Variants in FAM13A observed in about 807,000 individuals in gnomAD.
FAM13A encodes the protein protein FAM13A.
Under a neutral mutation model 129.6 loss-of-function variants are expected in FAM13A, and 76 were observed. The observed-to-expected ratio is 0.59, with a 90% confidence interval of 0.49 to 0.71. The LOEUF is 0.71. FAM13A is among the 30% of genes least tolerant of loss of function. The pLI, the probability that FAM13A is intolerant of heterozygous loss-of-function variation, is 0.00. For missense variants in FAM13A, 1,108 were observed against 1,249.3 expected (o/e 0.89, Z 1.70); for synonymous variants, 443 against 449.9 (o/e 0.98, Z 0.20).
At chr4:88,914,158 T>C (rs1749695704) in intron 5 of FAM13A, among the ~76,000 whole-genome samples, 1 of 152,122 alleles carries the variant, frequency 6.6e-6, no homozygotes, top group Non-Finnish European at 1.5e-5. Flanking sequence ...GTCAGTACTA[T>C]CTCCAAAATA....
intron 23 of FAM13A, 148 bp downstream of exon 23, chr4:88,731,179 T>G: frequency 3.5e-6 from 2 of 578,388 alleles, no homozygotes; most frequent in Non-Finnish European, 6.1e-6. Context: ...TAAGTGTCCC[T>G]GGGCACAAAC....
intron 5 of FAM13A, among the ~76,000 whole-genome samples, chr4:88,917,234 A>T (rs1465845892): frequency 1.3e-5 from 2 of 152,206 alleles, no homozygotes; most frequent in Non-Finnish European, 2.9e-5. Flanking sequence ...CTCGTGAAGG[A>T]AGGCAAAAGG....
chr4:88,945,758 GTA>G (rs1338690619), intron 4 of FAM13A, among the ~76,000 whole-genome samples: 3 of 124,168 alleles, frequency 2.4e-5, no homozygotes, highest in African/African-American at 3.5e-5. Context: ...ACCACTATTA[GTA>G]TATATATATA....
At chr4:88,982,274 T>G (rs1160839921) in intron 4 of FAM13A, among the ~76,000 whole-genome samples, 5 of 152,248 alleles carry the variant, frequency 3.3e-5, no homozygotes, top group Non-Finnish European at 5.9e-5. Context: ...CAACTGAGGT[T>G]AAGAGCAATG....
chr4:89,034,360 A>G (rs772208460), intron 1 of FAM13A, among the ~76,000 whole-genome samples: 23 of 152,322 alleles, frequency 1.5e-4, no homozygotes, highest in Non-Finnish European at 3.1e-4. Flanking sequence ...AACACAAATC[A>G]AAACCACAAT....
chr4:88,876,636 G>A (rs945873057), intron 6 of FAM13A, among the ~76,000 whole-genome samples: 1 of 152,066 alleles, frequency 6.6e-6, no homozygotes, highest in South Asian at 2.1e-4. Context: ...CTGTCGCCGA[G>A]GCTGGAGTGC....
intron 7 of FAM13A, among the ~76,000 whole-genome samples, chr4:88,806,567 C>G (rs1326317915): frequency 6.6e-6 from 1 of 152,136 alleles, no homozygotes; most frequent in Admixed American, 6.5e-5. Context: ...AAATGTGACA[C>G]ACTGTTTTTC....
At chr4:88,823,394 C>G in intron 7 of FAM13A, 1 of 927,752 alleles carries the variant, frequency 1.1e-6, no homozygotes, top group Non-Finnish European at 1.3e-6. Context: ...CCTCCTCCTT[C>G]TCTCCTCCTG....
intron 3 of FAM13A, among the ~76,000 whole-genome samples, chr4:88,998,586 C>T (rs890686513): frequency 1.3e-5 from 2 of 152,078 alleles, no homozygotes; most frequent in Admixed American, 6.6e-5. Flanking sequence ...ACTATAGCTT[C>T]GTAAATTCTC....
intron 14 of FAM13A, among the ~76,000 whole-genome samples, chr4:88,755,046 G>A (rs1403931760): frequency 6.6e-6 from 1 of 152,072 alleles, no homozygotes; most frequent in Non-Finnish European, 1.5e-5. Flanking sequence ...TTAACGCCCC[G>A]TCAAAGTCCC....
intron 4 of FAM13A, among the ~76,000 whole-genome samples, chr4:88,978,043 GC>G (rs1761139836): frequency 6.6e-6 from 1 of 151,984 alleles, no homozygotes; most frequent in Admixed American, 6.6e-5. Flanking sequence ...ACAGTATTTG[GC>G]CATTTTGAAC....
intron 3 of FAM13A, among the ~76,000 whole-genome samples, chr4:89,014,839 C>T (rs768111102): frequency 1.3e-5 from 2 of 152,044 alleles, no homozygotes; most frequent in African/African-American, 2.4e-5. Context: ...GAAATCTGGG[C>T]ACATTGAAAA....
chr4:88,851,441 T>C (rs1017301270), intron 6 of FAM13A, among the ~76,000 whole-genome samples: 1 of 151,832 alleles, frequency 6.6e-6, no homozygotes, highest in Non-Finnish European at 1.5e-5. Flanking sequence ...ATTTCTATTC[T>C]GGCAGAAATC....
intron 20 of FAM13A, among the ~76,000 whole-genome samples, chr4:88,738,604 G>C (rs1739496815): frequency 6.6e-6 from 1 of 152,126 alleles, no homozygotes. Flanking sequence ...TTTTCTCCCT[G>C]GACACAATTC....
chr4:89,024,533 A>C (rs1485572278), intron 2 of FAM13A, among the ~76,000 whole-genome samples: 1 of 152,254 alleles, frequency 6.6e-6, no homozygotes, highest in Non-Finnish European at 1.5e-5. Context: ...TGAAACAATA[A>C]TAAAGCATAA....
intron 4 of FAM13A, among the ~76,000 whole-genome samples, chr4:88,947,464 T>C (rs1756111700): frequency 6.6e-6 from 1 of 152,084 alleles, no homozygotes. Context: ...AAGTTCCACA[T>C]AACTAAAACC....
intron 4 of FAM13A, among the ~76,000 whole-genome samples, chr4:88,973,239 T>A (rs1377278221): frequency 6.6e-6 from 1 of 152,126 alleles, no homozygotes; most frequent in Non-Finnish European, 1.5e-5. Flanking sequence ...AAATATTTCT[T>A]CTGTTCCTTT....
intron 1 of FAM13A, among the ~76,000 whole-genome samples, chr4:89,044,998 T>A (rs774543533): frequency 2.0e-5 from 3 of 152,104 alleles, no homozygotes; most frequent in Non-Finnish European, 4.4e-5. Flanking sequence ...AAATGGATAG[T>A]GGTAGTGATG....
chr4:88,749,663 A>T, intron 16 of FAM13A, 108 bp downstream of exon 16: 1 of 1,150,200 alleles, frequency 8.7e-7, no homozygotes, highest in Non-Finnish European at 1.2e-6. Context: ...TTGTTGTAAG[A>T]TTCCCTAGAA....
Sources: gnomAD v4.1 joint callset for allele counts (sites outside exome capture counted in the v4.1 genomes callset) on GRCh38, gnomAD v4.1.1 for gene constraint, MANE v1.5 for transcripts, NCBI Gene and HGNC (gene_info 2026-07-23, HGNC 2026-07-21) for gene names.